Variants in CCDC141 observed in about 807,000 individuals in gnomAD.
CCDC141 encodes the protein coiled-coil domain-containing protein 141.
Under a neutral mutation model 181.0 loss-of-function variants are expected in CCDC141, and 168 were observed. That is an observed-to-expected ratio of 0.93 (90% confidence interval 0.82 to 1.05). The LOEUF is 1.05. Ranked by LOEUF, CCDC141 falls within the 50% of genes least tolerant of loss-of-function variation. CCDC141 has a pLI of 0.00. For missense variants in CCDC141, 1,902 were observed against 1,788.5 expected, an observed-to-expected ratio of 1.06 and a Z score of -1.14; for synonymous variants, 666 against 642.3, an observed-to-expected ratio of 1.04 and a Z score of -0.56.
intron 2 of CCDC141, among the ~76,000 whole-genome samples, chr2:178,996,160 C>T (rs1399947656): frequency 6.6e-6 from 1 of 150,428 alleles, no homozygotes; most frequent in Non-Finnish European, 1.5e-5. Context: ...GATCTTGGCT[C>T]ACTGCAACCT....
At chr2:178,824,517 G>T in the CCDC141 span, among the ~76,000 whole-genome samples, 1 of 150,448 alleles carries the variant, frequency 6.6e-6, no homozygotes, top group African/African-American at 2.4e-5. Flanking sequence ...TACTCAGGAG[G>T]CTGAGGCAGA....
At chr2:179,046,690 C>G (rs1354385) in intron 2 of CCDC141, among the ~76,000 whole-genome samples, 114,238 of 152,110 alleles carry the variant, frequency 0.75, 43,471 homozygotes, top group East Asian at 0.93. Context: ...TTGTATTTGC[C>G]CTGGGTCCCA....
intron 2 of CCDC141, among the ~76,000 whole-genome samples, chr2:178,982,714 T>A (rs567571374): frequency 7.8e-4 from 119 of 152,278 alleles, no homozygotes; most frequent in Admixed American, 1.4e-3. Flanking sequence ...AGACGGCACC[T>A]GGAGAATCGG....
At chr2:178,932,607 T>C (rs571680876) in intron 6 of CCDC141, among the ~76,000 whole-genome samples, 2 of 152,306 alleles carry the variant, frequency 1.3e-5, no homozygotes, top group East Asian at 3.9e-4. Flanking sequence ...TGTGTATACA[T>C]ACACACATAT....
chr2:178,926,484 T>C (rs746140168), intron 6 of CCDC141: 3 of 152,184 alleles, frequency 2.0e-5, no homozygotes, highest in Admixed American at 1.3e-4. Context: ...CTGTGGAAGA[T>C]AGAATGACAA....
At chr2:178,996,382 T>C (rs1048515120) in intron 2 of CCDC141, among the ~76,000 whole-genome samples, 1 of 152,062 alleles carries the variant, frequency 6.6e-6, no homozygotes, top group Non-Finnish European at 1.5e-5. Context: ...CTGGCCAAAA[T>C]TGGAAAATTC....
chr2:178,938,911 TC>T (rs34511100), intron 6 of CCDC141, among the ~76,000 whole-genome samples: 6 of 152,132 alleles, frequency 3.9e-5, no homozygotes, highest in Non-Finnish European at 8.8e-5. Flanking sequence ...ATTGCATTGC[TC>T]CCAGAACGTA....
At chr2:178,817,578 G>A in the CCDC141 span, 1 of 470,982 alleles carries the variant, frequency 2.1e-6, no homozygotes, top group South Asian at 1.5e-5. Context: ...AGTGACACAT[G>A]GTCCTGATCT....
At chr2:178,858,305 T>G (rs1026517727) in intron 17 of CCDC141, among the ~76,000 whole-genome samples, 1 of 152,154 alleles carries the variant, frequency 6.6e-6, no homozygotes, top group African/African-American at 2.4e-5. Context: ...CACTCAATGT[T>G]TTAATGTGCG....
intron 8 of CCDC141, among the ~76,000 whole-genome samples, chr2:178,903,619 G>T (rs1293958442): frequency 9.7e-6 from 1 of 103,390 alleles, no homozygotes; most frequent in African/African-American, 3.7e-5. Context: ...GGTGGGGGGA[G>T]GGGGGAGGGA....
At chr2:179,031,907 G>C (rs561965387) in intron 2 of CCDC141, among the ~76,000 whole-genome samples, 35 of 152,098 alleles carry the variant, frequency 2.3e-4, no homozygotes, top group Admixed American at 9.8e-4. Context: ...CTGTTAAAGT[G>C]CAAAACATGT....
intron 22 of CCDC141, among the ~76,000 whole-genome samples, chr2:178,842,946 T>C (rs891090517): frequency 1.3e-5 from 2 of 151,996 alleles, no homozygotes; most frequent in African/African-American, 2.4e-5. Flanking sequence ...TTCCTGTACC[T>C]GCCGGGTGAT....
At chr2:178,994,943 T>A (rs748449667) in intron 2 of CCDC141, among the ~76,000 whole-genome samples, 4 of 152,232 alleles carry the variant, frequency 2.6e-5, no homozygotes, top group Admixed American at 2.6e-4. Flanking sequence ...TGAGACCACA[T>A]CAGCCTGGAC....
intron 7 of CCDC141, among the ~76,000 whole-genome samples, chr2:178,906,529 C>T (rs1312140696): frequency 6.6e-6 from 1 of 152,180 alleles, no homozygotes; most frequent in Non-Finnish European, 1.5e-5. Flanking sequence ...TTTAGCACTA[C>T]TGAAAGAAGC....
rs1458697268 is a variant in CCDC141, at chr2:178,888,607, T to A, written c.1327A>T (p.Thr443Ser). 17 of 1,550,766 alleles carry A rather than the reference T, an allele frequency of 1.1e-5. No homozygotes were observed. The highest frequency in any genetic ancestry group is 3.3e-4 in the Middle Eastern group (2 of 5,994). ...GCIKRRVDHL[T>S]EQCSAHKEYA... ...TCCTTGTGCGCTGAACACTGTTCGG[T>A]CAGATGATCCACTCGTCTCTTAATG... is the stretch of plus-strand genomic sequence containing the variant. The change falls in exon 9 of 24, where the codon ACC becomes TCC. Residue 443 changes from threonine (T) to serine (S), a missense_variant. Coordinates refer to ENST00000443758, the MANE Select transcript of CCDC141 (RefSeq NM_173648.4).
intron 4 of CCDC141, among the ~76,000 whole-genome samples, chr2:178,965,476 G>A (rs972010080): frequency 1.3e-5 from 2 of 152,184 alleles, no homozygotes; most frequent in African/African-American, 4.8e-5. Flanking sequence ...CATGGAAGGC[G>A]AGCCAAAGCA....
chr2:178,974,095 G>A (rs1403436882), intron 4 of CCDC141, among the ~76,000 whole-genome samples: 1 of 152,042 alleles, frequency 6.6e-6, no homozygotes, highest in Non-Finnish European at 1.5e-5. Flanking sequence ...AGGAAAGATT[G>A]AGTCCTTTAA....
intron 6 of CCDC141, among the ~76,000 whole-genome samples, chr2:178,929,720 A>G (rs10171173): frequency 0.42 from 64,168 of 151,816 alleles, 14,135 homozygotes; most frequent in East Asian, 0.71. Context: ...AGTTTTAACA[A>G]TGACCCAGTA....
intron 17 of CCDC141, among the ~76,000 whole-genome samples, chr2:178,858,097 C>CT (rs1203978492): frequency 6.6e-6 from 1 of 152,042 alleles, no homozygotes; most frequent in African/African-American, 2.4e-5. Flanking sequence ...TTGAACATTA[C>CT]TTTAAGTTAC....
Sources: gnomAD v4.1 joint callset for allele counts (sites outside exome capture counted in the v4.1 genomes callset) on GRCh38, gnomAD v4.1.1 for gene constraint, MANE v1.5 for transcripts, NCBI Gene and HGNC (gene_info 2026-07-23, HGNC 2026-07-21) for gene names.